Variants in AVL9 observed in about 807,000 individuals in gnomAD.
AVL9 encodes the protein AVL9 cell migration associated.
A neutral mutation model predicts 79.2 loss-of-function variants in AVL9; 49 were observed. The observed-to-expected ratio is 0.62, with a 90% confidence interval of 0.49 to 0.79. The LOEUF (loss-of-function observed/expected upper bound fraction) is 0.79, where lower values mean the gene tolerates loss of function less well. Among genes scored for constraint, AVL9 ranks in the 30% least tolerant of loss-of-function variants. The probability of loss-of-function intolerance (pLI) is 0.00; values close to 1 mark genes in which losing one functional copy is unlikely to be tolerated. For synonymous variants in AVL9, 299 were observed against 280.6 expected, an observed-to-expected ratio of 1.07 and a Z score of -0.65; for missense variants, 682 against 776.8, an observed-to-expected ratio of 0.88 and a Z score of 1.45.
At position 32,583,840 on chromosome 7, in the gene AVL9, C is replaced by T. The variant is rs1403186666; in HGVS notation, c.1880C>T (p.Ser627Leu). The T allele has an allele frequency of 1.2e-6, 2 of 1,614,146 alleles. No individual in the cohort carries two copies. The highest frequency in any genetic ancestry group is 4.5e-5 in the East Asian group (2 of 44,878). Residue 627 changes from serine to leucine, a missense_variant, in exon 16 of 16, where the codon TCA (serine) becomes TTA (leucine). By Grantham distance (145) the Ser-to-Leu change is moderately radical. Transcript: ENST00000318709. ...AFSSAKTAMS[S>L]WLSTFTTSTS... ...TCCAGTGCAAAGACAGCTATGTCTTCATGGCTTTCCACTTTCACCACTTCC... is the reference window on the plus strand; with the variant it reads ...TCCAGTGCAAAGACAGCTATGTCTTTATGGCTTTCCACTTTCACCACTTCC...
intron 3 of AVL9, among the ~76,000 whole-genome samples, 187 bp downstream of exon 3, chr7:32,544,966 A>C (rs547292744): frequency 3.2e-4 from 49 of 152,202 alleles, no homozygotes; most frequent in Non-Finnish European, 6.2e-4. Context: ...ATTGGTGGCT[A>C]TGCTTATATT....
intron 11 of AVL9, among the ~76,000 whole-genome samples, chr7:32,572,621 T>G (rs1427900790): frequency 1.3e-5 from 2 of 149,664 alleles, no homozygotes; most frequent in East Asian, 3.9e-4. Flanking sequence ...GCTAACATGG[T>G]GAAATCCCAT....
chr7:32,527,272 A>G (rs1183599996), intron 1 of AVL9, among the ~76,000 whole-genome samples: 3 of 152,312 alleles, frequency 2.0e-5, no homozygotes, highest in South Asian at 2.1e-4. Flanking sequence ...CTACCCCTAT[A>G]CTAATGAAAA....
At chr7:32,532,970 C>T in intron 1 of AVL9, 1 of 152,238 alleles carries the variant, frequency 6.6e-6, no homozygotes, top group East Asian at 1.9e-4. Flanking sequence ...GAGCCCTGAT[C>T]ACACCAGTGC....
intron 1 of AVL9, among the ~76,000 whole-genome samples, chr7:32,504,819 A>T (rs1787333011): frequency 6.6e-6 from 1 of 152,220 alleles, no homozygotes; most frequent in Admixed American, 6.5e-5. Context: ...GTATTTGCCC[A>T]TGAATGTGTG....
chr7:32,522,584 G>A lies in AVL9; in HGVS notation c.94-20557G>A, dbSNP rs147428935. Among the ~76,000 whole-genome samples the A allele has an allele frequency of 2.2e-3, 340 of 152,180 alleles. 1 individual carries two copies. The highest frequency in any genetic ancestry group is 8.0e-3 in the African/African-American group (333 of 41,518). Reference sequence around the variant, plus strand: ...CTTTTGATTTTACAGGCCCATAGGCGGAAGAGACTTGCCTTGTCTCAGATG... The same window carrying A: ...CTTTTGATTTTACAGGCCCATAGGCAGAAGAGACTTGCCTTGTCTCAGATG... On this transcript the variant is annotated intron_variant, in intron 1 of 15. Transcript: ENST00000318709.
intron 4 of AVL9, 49 bp from the exon 5 acceptor site, chr7:32,551,285 G>A: frequency 8.1e-7 from 1 of 1,240,642 alleles, no homozygotes; most frequent in Non-Finnish European, 1.2e-6. Context: ...CAATTTTACT[G>A]TTATCAACTA....
intron 7 of AVL9, 90 bp downstream of exon 7, chr7:32,553,857 G>A (rs1341054554): frequency 2.2e-6 from 2 of 911,420 alleles, no homozygotes; most frequent in East Asian, 2.4e-5. Flanking sequence ...GCCAAATTCA[G>A]TGTGCTAAAT....
At chr7:32,539,507 G>A (rs1382256156) in intron 1 of AVL9, among the ~76,000 whole-genome samples, 1 of 152,138 alleles carries the variant, frequency 6.6e-6, no homozygotes, top group Non-Finnish European at 1.5e-5. Flanking sequence ...GACCAACAGT[G>A]CCCAGTCTCC....
Position 32,572,801 on chromosome 7 carries a change from CAA to C in AVL9, c.1351-383_1351-382del, listed in dbSNP as rs3080635. Among the ~76,000 whole-genome samples, 8 of 93,436 alleles carry C rather than the reference CAA, an allele frequency of 8.6e-5. 1 individual carries two copies. Among genetic ancestry groups the C allele is most frequent in the Middle Eastern group, 6.3e-3 (1 of 158 alleles). The allele number at this position is 93,436 out of a possible 152,430, so 61.3% of individuals were successfully genotyped here. A position where few individuals can be genotyped will look rare whatever the true frequency, so the allele number is the denominator to read the frequency against. ...TGGGCGACAGAGCAAGACTCCGTCT[CAA>C]AAAAAAAAAAAAAAGAATATTCTAA... On this transcript the variant is annotated intron_variant, in intron 11 of 15. Coordinates refer to ENST00000318709, the MANE Select transcript of AVL9 (RefSeq NM_015060.3).
intron 3 of AVL9, among the ~76,000 whole-genome samples, chr7:32,547,627 G>A (rs994534972): frequency 4.6e-5 from 7 of 152,136 alleles, no homozygotes; most frequent in South Asian, 2.1e-4. Context: ...GTACATTAGA[G>A]TTGCCCATTT....
intron 8 of AVL9, among the ~76,000 whole-genome samples, chr7:32,555,105 G>A (rs1034914573): frequency 6.6e-6 from 1 of 152,180 alleles, no homozygotes; most frequent in African/African-American, 2.4e-5. Context: ...TTGGGAGGCT[G>A]AAGCAGGAGG....
In AVL9 at chr7:32,588,169, T is replaced by A. The variant is rs888290408; in HGVS notation, c.*4262T>A. 6.6e-6 allele frequency: 1 copy of A among 152,210 alleles called. No homozygotes were observed. Among genetic ancestry groups the A allele is most frequent in the Non-Finnish European group, 1.5e-5 (1 of 68,026 alleles). The allele number at this position is 152,210 out of a possible 1,614,324, so 9.4% of individuals were successfully genotyped here. On this transcript the variant is annotated 3_prime_UTR_variant, in exon 16 of 16. Coordinates refer to ENST00000318709, the MANE Select transcript of AVL9 (RefSeq NM_015060.3). Reference sequence around the variant, plus strand: ...AGGTTCTCACACCCACGTAGTATGCTGCTCAAATTTTTTCGTGTGTGCAAA... The same window carrying A: ...AGGTTCTCACACCCACGTAGTATGCAGCTCAAATTTTTTCGTGTGTGCAAA...
At chr7:32,503,405 CA>C (rs1265708577) in intron 1 of AVL9, among the ~76,000 whole-genome samples, 1 of 145,818 alleles carries the variant, frequency 6.9e-6, no homozygotes, top group African/African-American at 2.5e-5. Context: ...CACACACACA[CA>C]AATTAGCCGG....
intron 1 of AVL9, among the ~76,000 whole-genome samples, chr7:32,514,785 T>C (rs1287551803): frequency 6.6e-6 from 1 of 152,152 alleles, no homozygotes; most frequent in Non-Finnish European, 1.5e-5. Context: ...TAATTTTCCT[T>C]TACCTACCCA....
chr7:32,543,046 T>A (rs112773926), intron 1 of AVL9, 95 bp from the exon 2 acceptor site: 1 of 1,509,272 alleles, frequency 6.6e-7, no homozygotes, highest in African/African-American at 1.4e-5. Flanking sequence ...TTATCCCGAC[T>A]TCTGTCATTC....
intron 1 of AVL9, among the ~76,000 whole-genome samples, chr7:32,527,899 G>T (rs2128127138): frequency 6.6e-6 from 1 of 152,210 alleles, no homozygotes. Context: ...TAACCTGGGA[G>T]ACTGGTTCAG....
intron 1 of AVL9, among the ~76,000 whole-genome samples, chr7:32,520,050 C>T: frequency 6.6e-6 from 1 of 152,186 alleles, no homozygotes. Flanking sequence ...CCACCAGGTC[C>T]CTCCCCTGAC....
intron 12 of AVL9, among the ~76,000 whole-genome samples, chr7:32,575,089 T>TTTTTGTTTTGTTTTG (rs10634953): frequency 2.7e-5 from 4 of 149,470 alleles, no homozygotes; most frequent in African/African-American, 9.8e-5. Context: ...TTTAAGACTT[T>TTTTTGTTTTGTTTTG]TTTTGTTTTG....
Sources: allele counts gnomAD v4.1 joint callset (sites outside exome capture counted in the v4.1 genomes callset), GRCh38; gene constraint gnomAD v4.1.1; transcripts MANE v1.5; gene names NCBI Gene and HGNC (gene_info 2026-07-23, HGNC 2026-07-21).